The following ZBTB41 variants were observed in gnomAD, a reference collection of about 807,000 sequenced individuals.
ZBTB41 encodes zinc finger and BTB domain containing 41.
ZBTB41 carries 42 observed loss-of-function variants against 87.6 expected under a neutral mutation model. That is an observed-to-expected ratio of 0.48 (90% CI 0.37 to 0.62). The LOEUF is 0.62. Ranked by LOEUF, ZBTB41 falls within the 20% of genes least tolerant of loss-of-function variation. The probability of loss-of-function intolerance (pLI) is 0.00; values close to 1 mark genes in which losing one functional copy is unlikely to be tolerated. For synonymous variants in ZBTB41, 364 were observed against 364.0 expected, an observed-to-expected ratio of 1.00 and a Z score of 0.00; for missense variants, 799 against 1,078.9, an observed-to-expected ratio of 0.74 and a Z score of 3.63.
Position 197,199,745 on chromosome 1 carries a change from C to G in ZBTB41, c.729G>C (p.Met243Ile), listed in dbSNP as rs1315379997. 6.2e-7 allele frequency: 1 copy of G among 1,613,370 alleles called. No individual in the cohort carries two copies. The highest frequency in any genetic ancestry group is 8.5e-7 in the Non-Finnish European group (1 of 1,179,860). Reference sequence around the variant, plus strand: ...TTCTTGCGGAGAAACTTCTCTCCAGCATTTTTAACCCATGTTTTTTCCCTA... The same window carrying G: ...TTCTTGCGGAGAAACTTCTCTCCAGGATTTTTAACCCATGTTTTTTCCCTA... The part of the protein sequence containing the change: ...LLLGKKHGLK[M>I]LERSFSARRS... Residue 243 changes from methionine (M) to isoleucine (I), a missense_variant, in exon 2 of 11, where the codon ATG becomes ATC. Physicochemically the swap from Met to Ile is conservative, Grantham distance 10. Coordinates refer to ENST00000367405, the MANE Select transcript of ZBTB41 (RefSeq NM_194314.3).
At chr1:197,172,292 A>G in intron 9 of ZBTB41, 44 bp from the exon 10 acceptor site, 2 of 635,728 alleles carry the variant, frequency 3.1e-6, no homozygotes, top group Non-Finnish European at 4.6e-6. Flanking sequence ...TAATTTTAAT[A>G]ACTATAATAA....
At chr1:197,180,904 A>G in intron 6 of ZBTB41, 84 bp downstream of exon 6, 1 of 1,419,780 alleles carries the variant, frequency 7.0e-7, no homozygotes, top group East Asian at 2.5e-5. Context: ...GTCTTATGTT[A>G]CCCTAATTCC....
intron 2 of ZBTB41, among the ~76,000 whole-genome samples, chr1:197,195,214 A>G (rs547884169): frequency 1.3e-5 from 2 of 152,362 alleles, no homozygotes; most frequent in Non-Finnish European, 2.9e-5. Flanking sequence ...CAGAAAATAC[A>G]TAACATTTTA....
At chr1:197,165,620 CA>C (rs781341486) in intron 10 of ZBTB41, among the ~76,000 whole-genome samples, 4 of 147,210 alleles carry the variant, frequency 2.7e-5, no homozygotes, top group Admixed American at 6.7e-5. Context: ...AAAAAAAAAA[CA>C]AAAAAAACAA....
intron 5 of ZBTB41, among the ~76,000 whole-genome samples, chr1:197,182,742 A>T (rs1344444415): frequency 1.3e-5 from 2 of 152,206 alleles, no homozygotes; most frequent in African/African-American, 4.8e-5. Flanking sequence ...GCTTTGAATA[A>T]TCTAAAGCAG....
rs1392756129 is a variant in ZBTB41 at position 197,200,594 on chromosome 1, CAA to C, written c.-117-6_-117-5del. The C allele has an allele frequency of 2.9e-5, 27 of 930,184 alleles. No individual in the cohort carries two copies. Among genetic ancestry groups the C allele is most frequent in the Admixed American group, 6.4e-5 (2 of 31,472 alleles). The allele number at this position is 930,184 out of a possible 1,614,324, so 57.6% of individuals were successfully genotyped here. On this transcript the variant is annotated splice_region_variant and splice_polypyrimidine_tract_variant and intron_variant, in intron 1 of 10. Coordinates refer to ENST00000367405, the MANE Select transcript of ZBTB41 (RefSeq NM_194314.3). ...GCGTGCCCAAGGGTTTCATGGTCTG[CAA>C]AAGAGTGAGAACCACGTAAAATAAC...
Position 197,159,731 on chromosome 1 carries a change from G to T in ZBTB41, c.2358C>A (p.Asp786Glu), listed in dbSNP as rs563096044. The stretch of plus-strand genomic sequence containing the variant: ...CTTCCGACTGATAAACTTTGGGCTG[G>T]TCCATATATTGTTTTGTTTCTGTTT... ...IFQTETKQYM[D>E]QPKVYQSEAK... is the part of the protein sequence containing the mutation. Residue 786 changes from aspartate to glutamate, a missense_variant, in exon 11 of 11, where the codon GAC becomes GAA. Asp to Glu is a conservative substitution (Grantham distance 45, BLOSUM62 2). Coordinates refer to ENST00000367405, the MANE Select transcript of ZBTB41 (RefSeq NM_194314.3). 3 of 1,613,834 alleles carry T rather than the reference G, an allele frequency of 1.9e-6. No homozygotes were observed. Among genetic ancestry groups the T allele is most frequent in the Non-Finnish European group, 2.5e-6 (3 of 1,179,928 alleles).
rs186733494 is a variant in ZBTB41, at chr1:197,176,429, A to G, written c.1879+135T>C. 8 of 584,994 alleles carry G rather than the reference A, an allele frequency of 1.4e-5. No individual in the cohort carries two copies. The African/African-American group carries it at 1.5e-4, about 11-fold the overall frequency. 36.2% of individuals were successfully genotyped at this position (584,994 alleles called of 1,614,324 possible). A position where few individuals can be genotyped will look rare whatever the true frequency, so the allele number is the denominator to read the frequency against. On this transcript the variant is annotated intron_variant, in intron 8 of 10. Transcript: ENST00000367405. The stretch of plus-strand genomic sequence containing the variant: ...GATGCTTTTTAAAAAATGTTTTCAG[A>G]ACCAGAATTACAAAGAAGTGATGAG...
intron 9 of ZBTB41, 95 bp from the exon 10 acceptor site, chr1:197,172,343 GA>G: frequency 3.1e-6 from 1 of 323,370 alleles, no homozygotes; most frequent in Non-Finnish European, 5.3e-6. Flanking sequence ...CTAACATAAT[GA>G]AAATAAGTTG....
chr1:197,195,909 T>C (rs1201037592), intron 2 of ZBTB41, among the ~76,000 whole-genome samples: 1 of 152,194 alleles, frequency 6.6e-6, no homozygotes, highest in African/African-American at 2.4e-5. Flanking sequence ...GATTACTTAT[T>C]GTGGAACTAA....
At chr1:197,200,665 C>G (rs11801772) in intron 1 of ZBTB41, 75 bp from the exon 2 acceptor site, 15,838 of 465,114 alleles carry the variant, frequency 0.034, 1,935 homozygotes, top group African/African-American at 0.27. Flanking sequence ...CAATCATCAA[C>G]GAATTCTTTC....
chr1:197,175,141 CATT>C, intron 8 of ZBTB41, 26 bp from the exon 9 acceptor site: 1 of 1,578,548 alleles, frequency 6.3e-7, no homozygotes, highest in East Asian at 2.3e-5. Context: ...CAAATATTTT[CATT>C]ATAATATACA....
intron 10 of ZBTB41, among the ~76,000 whole-genome samples, chr1:197,168,624 G>C (rs1259153197): frequency 6.6e-6 from 1 of 151,910 alleles, no homozygotes; most frequent in East Asian, 1.9e-4. Context: ...ATTATAGAAA[G>C]TTCATGGATC....
In ZBTB41 at chr1:197,172,202, TA is replaced by T; in HGVS notation, c.2031del (p.Phe677LeufsTer35). 1 of 1,438,776 alleles carries T rather than the reference TA, an allele frequency of 7.0e-7. No homozygotes were observed. Among genetic ancestry groups the T allele is most frequent in the Non-Finnish European group, 9.2e-7 (1 of 1,084,452 alleles). 89.1% of individuals were successfully genotyped at this position (1,438,776 alleles called of 1,614,324 possible). On this transcript the variant is annotated frameshift_variant, in exon 10 of 11. Transcript: ENST00000367405. LOFTEE classifies it high-confidence loss of function. Reference protein sequence around the residue: ...FHQCDVCKKIFKGKSSLEMHF... With the variant: ...FHQCDVCKKIXKGKSSLEMHF... ...TGCATTTCCAGACTTGATTTGCCTT[TA>T]AAAATTTTCTTACAAACATCACATT...
Position 197,157,404 on chromosome 1 carries a change from GTA to G in ZBTB41, c.*1953_*1954del, listed in dbSNP as rs1273781582. On this transcript the variant is annotated 3_prime_UTR_variant, in exon 11 of 11. Coordinates refer to ENST00000367405, the MANE Select transcript of ZBTB41 (RefSeq NM_194314.3). ...TATGTAAGGCAGGCTACATTTTTAT[GTA>G]TGATTTCTTTCATTATAGTAAGATT... 2.0e-5 allele frequency: 3 copies of G among 151,322 alleles called. No homozygotes were observed. The highest frequency in any genetic ancestry group is 7.3e-5 in the African/African-American group (3 of 41,290). 9.4% of individuals were successfully genotyped at this position (151,322 alleles called of 1,614,324 possible).
Position 197,172,204 on chromosome 1 carries a change from A to C in ZBTB41, c.2030T>G (p.Phe677Cys), listed in dbSNP as rs995074044. Residue 677 changes from phenylalanine to cysteine, a missense_variant, in exon 10 of 11, where the codon TTT becomes TGT. Phe to Cys is a radical substitution (Grantham distance 205). Around this residue, in one of 5 missense-constraint regions of ZBTB41, gnomAD observed 198 missense variants for 358.4 expected, o/e 0.55. Transcript: ENST00000367405. ...CATTTCCAGACTTGATTTGCCTTTA[A>C]AAATTTTCTTACAAACATCACATTG... ...FHQCDVCKKI[F>C]KGKSSLEMHF... 3.5e-6 allele frequency: 5 copies of C among 1,438,222 alleles called. No homozygotes were observed. Among genetic ancestry groups the C allele is most frequent in the Non-Finnish European group, 4.6e-6 (5 of 1,084,286 alleles). The allele number at this position is 1,438,222 out of a possible 1,614,324, so 89.1% of individuals were successfully genotyped here.
rs1288926672 is a variant in ZBTB41 at position 197,154,358 on chromosome 1, TA to T, written c.*5000del. The T allele has an allele frequency of 6.6e-6, 1 of 152,170 alleles. No homozygotes were observed. Among genetic ancestry groups the T allele is most frequent in the African/African-American group, 2.4e-5 (1 of 41,440 alleles). 9.4% of individuals were successfully genotyped at this position (152,170 alleles called of 1,614,324 possible). On this transcript the variant is annotated 3_prime_UTR_variant, in exon 11 of 11. Transcript: ENST00000367405. ...ACCTCTGTGCTCTAAATATAATCCT[TA>T]ATTTCTCCTCTGAATATAATCCTTA... is the stretch of plus-strand genomic sequence containing the variant.
chr1:197,166,045 T>TG (rs200635114), intron 10 of ZBTB41, among the ~76,000 whole-genome samples: 7 of 139,706 alleles, frequency 5.0e-5, no homozygotes, highest in Non-Finnish European at 6.2e-5. Context: ...TGTTGGGGGA[T>TG]GGGGGGGCCT....
At chr1:197,191,050 A>ATT (rs77498723) in intron 3 of ZBTB41, among the ~76,000 whole-genome samples, 2 of 152,084 alleles carry the variant, frequency 1.3e-5, no homozygotes, top group East Asian at 3.9e-4. Context: ...AATATACCTG[A>ATT]TTTTTTTTAG....
Sources: allele counts gnomAD v4.1 joint callset (sites outside exome capture counted in the v4.1 genomes callset), GRCh38; gene constraint gnomAD v4.1.1; regional missense constraint gnomAD v4.1.1; transcripts MANE v1.5; gene names NCBI Gene and HGNC (gene_info 2026-07-23, HGNC 2026-07-21).